Variants in UPF3A observed in about 807,000 individuals in gnomAD.
The protein encoded by UPF3A is UPF3A regulator of nonsense mediated mRNA decay.
In UPF3A, 42 loss-of-function variants were observed where a neutral mutation model predicts 53.5. That is an observed-to-expected ratio of 0.78 (90% CI 0.61 to 1.01). UPF3A has a LOEUF of 1.01. UPF3A is among the 50% of genes least tolerant of loss of function. UPF3A has a pLI of 0.00. For missense variants in UPF3A, 575 were observed against 598.0 expected (o/e 0.96, Z 0.40); for synonymous variants, 237 against 225.3 (o/e 1.05, Z -0.47).
intron 7 of UPF3A, among the ~76,000 whole-genome samples, chr13:114,295,117 A>AG: frequency 6.6e-6 from 1 of 150,866 alleles, no homozygotes; most frequent in East Asian, 1.9e-4. Context: ...GTCTCAAAAA[A>AG]AAAAAAAAAA....
intron 5 of UPF3A, among the ~76,000 whole-genome samples, chr13:114,290,613 C>A (rs74967073): frequency 5.7e-4 from 87 of 152,220 alleles, no homozygotes; most frequent in African/African-American, 1.9e-3. Context: ...TCTGAGAGGT[C>A]GGGCATGAAA....
At chr13:114,286,202 C>A in intron 3 of UPF3A, 100 bp from the exon 4 acceptor site, 1 of 1,417,984 alleles carries the variant, frequency 7.1e-7, no homozygotes. Flanking sequence ...AATGCATTGT[C>A]GTTGTTACAC....
chr13:114,294,238 C>A (rs1373858134), intron 7 of UPF3A, among the ~76,000 whole-genome samples: 3 of 149,846 alleles, frequency 2.0e-5, no homozygotes, highest in East Asian at 2.0e-4. Flanking sequence ...ACAGATGGCT[C>A]ATGGCTATTT....
intron 7 of UPF3A, among the ~76,000 whole-genome samples, chr13:114,295,417 C>T (rs990106471): frequency 4.0e-5 from 6 of 148,740 alleles, no homozygotes; most frequent in East Asian, 1.9e-4. Flanking sequence ...CTCCCCAGCT[C>T]GTCTCCAGCG....
chr13:114,292,934 G>T (rs552415239), intron 7 of UPF3A, among the ~76,000 whole-genome samples: 6 of 152,050 alleles, frequency 3.9e-5, no homozygotes, highest in African/African-American at 1.2e-4. Context: ...TTAGCCAGGT[G>T]TGGTGGCGGA....
intron 2 of UPF3A, 42 bp downstream of exon 2, chr13:114,282,169 G>T: frequency 6.7e-7 from 1 of 1,490,324 alleles, no homozygotes; most frequent in African/African-American, 1.4e-5. Flanking sequence ...GCGGAACCCA[G>T]AGCTCGGCGG....
chr13:114,282,630 A>G (rs943075867), intron 2 of UPF3A: 15 of 985,334 alleles, frequency 1.5e-5, no homozygotes, highest in Non-Finnish European at 1.8e-5. Context: ...TGGGCAGTGG[A>G]GAAGGGACCT....
chr13:114,281,861 G>A lies in UPF3A; in HGVS notation c.207+15G>A. ...CCCTGAGCAAGGTGGGGACGGGGGC[G>A]GGGCGCGCAAACCTCGCGAGGAGAG... On this transcript the variant is annotated intron_variant, in intron 1 of 9. Transcript: ENST00000375299. The A allele has an allele frequency of 6.6e-7, 1 of 1,514,558 alleles. No individual in the cohort carries two copies. Among genetic ancestry groups the A allele is most frequent in the East Asian group, 2.5e-5 (1 of 39,308 alleles). 93.8% of individuals were successfully genotyped at this position (1,514,558 alleles called of 1,614,324 possible). A position where few individuals can be genotyped will look rare whatever the true frequency, so the allele number is the denominator to read the frequency against.
At chr13:114,291,916 T>G (rs1050963078) in intron 7 of UPF3A, 124 bp downstream of exon 7, 1 of 1,263,512 alleles carries the variant, frequency 7.9e-7, no homozygotes, top group Non-Finnish European at 1.1e-6. Flanking sequence ...TGTGTTGTTA[T>G]TTTTTTCCAT....
At chr13:114,290,540 A>G (rs1015417985) in intron 5 of UPF3A, among the ~76,000 whole-genome samples, 5 of 152,052 alleles carry the variant, frequency 3.3e-5, no homozygotes, top group African/African-American at 1.2e-4. Flanking sequence ...TGTCAGCGCA[A>G]GTCCCTCTGA....
chr13:114,294,674 A>T (rs1329113636), intron 7 of UPF3A, among the ~76,000 whole-genome samples: 5 of 151,736 alleles, frequency 3.3e-5, no homozygotes, highest in African/African-American at 1.2e-4. Context: ...AAATACAAAA[A>T]AATAGCTGGG....
chr13:114,296,435 G>T (rs1358330676), intron 7 of UPF3A, among the ~76,000 whole-genome samples: 3 of 152,162 alleles, frequency 2.0e-5, no homozygotes, highest in Non-Finnish European at 4.4e-5. Context: ...ACATCAAGGT[G>T]CTGGGAGGGT....
rs372359792 is a variant in UPF3A at position 114,288,171 on chromosome 13, C to T, written c.631+1542C>T. On this transcript the variant is annotated intron_variant, in intron 5 of 9. Coordinates refer to ENST00000375299, the MANE Select transcript of UPF3A (RefSeq NM_023011.4). ...AGGCTGCATGCTGCCTGGGCACTGA[C>T]TCTGGGCCTCAGCATGGGGCCAAGT... Among the ~76,000 whole-genome samples the T allele has an allele frequency of 7.2e-5, 11 of 152,246 alleles. No individual in the cohort carries two copies. In the East Asian group the frequency reaches 1.2e-3, roughly 16 times the overall value.
chr13:114,302,240 A>G (rs1028593972), intron 9 of UPF3A, among the ~76,000 whole-genome samples: 2 of 152,178 alleles, frequency 1.3e-5, no homozygotes, highest in African/African-American at 4.8e-5. Flanking sequence ...AAAAAGAAAG[A>G]TTTTATTTAG....
intron 2 of UPF3A, chr13:114,282,623 GC>G: frequency 3.0e-6 from 3 of 985,488 alleles, no homozygotes; most frequent in Non-Finnish European, 3.6e-6. Context: ...CCGGTTCTGG[GC>G]AGTGGAGAAG....
At chr13:114,302,173 C>A in intron 9 of UPF3A, 148 bp downstream of exon 9, 1 of 656,656 alleles carries the variant, frequency 1.5e-6, no homozygotes, top group Non-Finnish European at 2.3e-6. Flanking sequence ...AAAGTCAGAT[C>A]CCAGAGTGAG....
In UPF3A at chr13:114,291,857, A is replaced by G. The variant is rs906108572; in HGVS notation, c.846+65A>G. The G allele has an allele frequency of 4.6e-4, 687 of 1,495,004 alleles. 1 individual carries two copies. Among genetic ancestry groups the G allele is most frequent in the Middle Eastern group, 1.1e-3 (6 of 5,384 alleles). The allele number at this position is 1,495,004 out of a possible 1,614,324, so 92.6% of individuals were successfully genotyped here. ...CTGCTATAGTAATTACACTTTTTAC[A>G]TATCTTAGTTCTTTAGAATTTTGAA... On this transcript the variant is annotated intron_variant, in intron 7 of 9. Coordinates refer to ENST00000375299, the MANE Select transcript of UPF3A (RefSeq NM_023011.4).
intron 5 of UPF3A, among the ~76,000 whole-genome samples, chr13:114,290,727 T>G (rs2085188914): frequency 6.6e-6 from 1 of 151,450 alleles, no homozygotes; most frequent in Non-Finnish European, 1.5e-5. Flanking sequence ...TTTCTTTTCT[T>G]TTTTTTCTTT....
Position 114,301,778 on chromosome 13 carries a change from A to G in UPF3A, c.1055A>G (p.Gln352Arg). 1 of 1,613,130 alleles carries G rather than the reference A, an allele frequency of 6.2e-7. No individual in the cohort carries two copies. Among genetic ancestry groups the G allele is most frequent in the Non-Finnish European group, 8.5e-7 (1 of 1,179,094 alleles). The change falls in exon 9 of 10, where the codon CAA (glutamine) becomes CGA (arginine). Residue 352 changes from glutamine to arginine, a missense_variant. By Grantham distance (43) the Gln-to-Arg change is conservative. Transcript: ENST00000375299. ...DKEHRDVERSQEQESEAQRYH... is the reference protein window; with the variant it reads ...DKEHRDVERSREQESEAQRYH... Reference sequence around the variant, plus strand: ...GAGCACAGGGATGTGGAGAGATCTCAAGAACAAGAATCTGAAGCACAAAGA... The same window carrying G: ...GAGCACAGGGATGTGGAGAGATCTCGAGAACAAGAATCTGAAGCACAAAGA...
Sources: allele counts gnomAD v4.1 joint callset (sites outside exome capture counted in the v4.1 genomes callset), GRCh38; gene constraint gnomAD v4.1.1; transcripts MANE v1.5; gene names NCBI Gene and HGNC (gene_info 2026-07-23, HGNC 2026-07-21).